Variants in CAPN3 observed in about 807,000 individuals in gnomAD.
CAPN3 encodes the protein calpain-3.
A neutral mutation model predicts 114.0 loss-of-function variants in CAPN3; 88 were observed. The observed-to-expected ratio is 0.77, with a 90% CI of 0.65 to 0.92. CAPN3 has a LOEUF of 0.92. CAPN3 is among the 40% of genes least tolerant of loss of function. The pLI, the probability that CAPN3 is intolerant of heterozygous loss-of-function variation, is 0.00. For missense variants in CAPN3, 1,028 were observed against 1,069.0 expected, an observed-to-expected ratio of 0.96 and a Z score of 0.53; for synonymous variants, 386 against 382.9, an observed-to-expected ratio of 1.01 and a Z score of -0.09.
At chr15:42,383,777 T>C (rs1014326531) in intron 1 of CAPN3, among the ~76,000 whole-genome samples, 4 of 152,008 alleles carry the variant, frequency 2.6e-5, no homozygotes, top group Non-Finnish European at 5.9e-5. Context: ...TTCACTATGT[T>C]GGCCAGGCTG....
chr15:42,365,309 C>CG (rs1282093865), intron 1 of CAPN3, among the ~76,000 whole-genome samples: 1 of 152,156 alleles, frequency 6.6e-6, no homozygotes, highest in Non-Finnish European at 1.5e-5. Context: ...AGCCCTGAAT[C>CG]GGAGTCAAAA....
chr15:42,387,644 G>C, intron 3 of CAPN3, 109 bp from the exon 4 acceptor site: 1 of 1,368,390 alleles, frequency 7.3e-7, no homozygotes, highest in Non-Finnish European at 1.0e-6. Context: ...CAGAGTCCAG[G>C]AAATGATGCT....
intron 1 of CAPN3, among the ~76,000 whole-genome samples, chr15:42,367,074 C>CCA (rs2052805749): frequency 6.6e-6 from 1 of 152,096 alleles, no homozygotes; most frequent in Non-Finnish European, 1.5e-5. Flanking sequence ...CCCCAGTGAT[C>CCA]CACCGCCTCA....
chr15:42,392,831 T>A (rs1255416983), intron 7 of CAPN3, 109 bp downstream of exon 7: 2 of 774,204 alleles, frequency 2.6e-6, no homozygotes, highest in Non-Finnish European at 4.4e-6. Flanking sequence ...TTGCCTCCAA[T>A]CAGGACATTC....
intron 1 of CAPN3, among the ~76,000 whole-genome samples, chr15:42,380,390 T>TG (rs2053207146): frequency 7.6e-6 from 1 of 131,826 alleles, no homozygotes; most frequent in Non-Finnish European, 1.6e-5. Context: ...TTTTTTTTTT[T>TG]TTTTTTTGAG....
intron 9 of CAPN3, 107 bp from the exon 10 acceptor site, chr15:42,399,385 T>C: frequency 3.3e-6 from 3 of 909,820 alleles, no homozygotes; most frequent in Non-Finnish European, 5.5e-6. Flanking sequence ...CCTGACCAAG[T>C]TCCTGTGAAC....
At chr15:42,374,628 A>G (rs2053038584) in intron 1 of CAPN3, 1 of 152,082 alleles carries the variant, frequency 6.6e-6, no homozygotes, top group African/African-American at 2.4e-5. Context: ...CCTCTGGGCA[A>G]TTGACTTATC....
At chr15:42,385,147 A>G (rs1043191092) in intron 2 of CAPN3, among the ~76,000 whole-genome samples, 5 of 152,228 alleles carry the variant, frequency 3.3e-5, no homozygotes, top group Admixed American at 6.5e-5. Flanking sequence ...GGTGTGGACT[A>G]TAAGCAAGCT....
chr15:42,359,995 C>T lies in CAPN3; in HGVS notation c.190C>T (p.Leu64Phe). ...AGTGAAAGAGAAGACATTCGAGCAA[C>T]TTCACAAGAAATGTCTAGAAAAGAA... Reference protein sequence around the residue: ...IGVKEKTFEQLHKKCLEKKVL... With the variant: ...IGVKEKTFEQFHKKCLEKKVL... Residue 64 changes from leucine to phenylalanine, a missense_variant, in exon 1 of 24, where the codon CTT (leucine) becomes TTT (phenylalanine). Coordinates refer to ENST00000397163, the MANE Select transcript of CAPN3 (RefSeq NM_000070.3). The T allele has an allele frequency of 3.1e-6, 5 of 1,614,236 alleles. No homozygotes were observed. The highest frequency in any genetic ancestry group is 4.2e-6 in the Non-Finnish European group (5 of 1,180,028).
intron 9 of CAPN3, 47 bp from the exon 10 acceptor site, chr15:42,399,444 CT>C: frequency 6.8e-7 from 1 of 1,476,406 alleles, no homozygotes; most frequent in African/African-American, 1.4e-5. Flanking sequence ...GTTCCCAGCC[CT>C]CCTCACCTGC....
At chr15:42,365,625 C>T (rs1272534452) in intron 1 of CAPN3, among the ~76,000 whole-genome samples, 2 of 152,140 alleles carry the variant, frequency 1.3e-5, no homozygotes, top group Admixed American at 6.5e-5. Flanking sequence ...CTGTCCCCAC[C>T]TCTCTGTCAT....
intron 1 of CAPN3, among the ~76,000 whole-genome samples, chr15:42,373,340 C>A (rs938080585): frequency 3.9e-5 from 6 of 152,206 alleles, no homozygotes; most frequent in Non-Finnish European, 7.3e-5. Context: ...GTATTTTCAA[C>A]TGGCAGACCA....
intron 16 of CAPN3, chr15:42,408,601 A>G (rs1370299451): frequency 4.7e-6 from 2 of 426,194 alleles, no homozygotes; most frequent in South Asian, 2.0e-5. Flanking sequence ...GGGGAGGCAA[A>G]GGCTGAGACA....
intron 1 of CAPN3, among the ~76,000 whole-genome samples, chr15:42,364,753 T>C (rs573849791): frequency 1.3e-5 from 2 of 152,344 alleles, no homozygotes; most frequent in East Asian, 3.9e-4. Context: ...AGTGATTGGC[T>C]TTAAAGGCTC....
chr15:42,359,858 G>T lies in CAPN3; in HGVS notation c.53G>T (p.Arg18Leu). 1 of 1,614,112 alleles carries T rather than the reference G, an allele frequency of 6.2e-7. No individual in the cohort carries two copies. Among genetic ancestry groups the T allele is most frequent in the South Asian group, 1.1e-5 (1 of 91,082 alleles). Residue 18 changes from arginine to leucine, a missense_variant, in exon 1 of 24, where the codon CGG (arginine) becomes CTG (leucine). Coordinates refer to ENST00000397163, the MANE Select transcript of CAPN3 (RefSeq NM_000070.3). ...GCTCCAAGGACAGCGGCTGAGCCCCGGTCCCCAGGGCCAGTTCCTCACCCG... is the reference window on the plus strand; with the variant it reads ...GCTCCAAGGACAGCGGCTGAGCCCCTGTCCCCAGGGCCAGTTCCTCACCCG... Reference protein sequence around the residue: ...SVAPRTAAEPRSPGPVPHPAQ... With the variant: ...SVAPRTAAEPLSPGPVPHPAQ...
At chr15:42,407,253 T>C (rs1432682662) in intron 15 of CAPN3, among the ~76,000 whole-genome samples, 1 of 152,206 alleles carries the variant, frequency 6.6e-6, no homozygotes, top group Non-Finnish European at 1.5e-5. Flanking sequence ...CAGTATCTCA[T>C]TTGATCCCCA....
In CAPN3 at chr15:42,409,971, C is replaced by CCGTA; in HGVS notation, c.2092_2095dup (p.Ser699ThrfsTer2). ...CACACGGGTTCACACTGGAGTCCTGCCGTAGCATGATTGCGCTCATGGATG... is the reference window on the plus strand; with the variant it reads ...CACACGGGTTCACACTGGAGTCCTGCCGTACGTAGCATGATTGCGCTCATGGATG... On this transcript the variant is annotated frameshift_variant, in exon 19 of 24. Transcript: ENST00000397163. LOFTEE classifies it high-confidence loss of function. 1 of 1,612,190 alleles carries CCGTA rather than the reference C, an allele frequency of 6.2e-7. No homozygotes were observed. Among genetic ancestry groups the CCGTA allele is most frequent in the Non-Finnish European group, 8.5e-7 (1 of 1,179,872 alleles).
chr15:42,367,007 T>C (rs2052802055), intron 1 of CAPN3, among the ~76,000 whole-genome samples: 1 of 151,848 alleles, frequency 6.6e-6, no homozygotes, highest in African/African-American at 2.4e-5. Context: ...CTAATTTTTG[T>C]ATTTTTAGTA....
At position 42,402,765 on chromosome 15, in the gene CAPN3, A is replaced by T. The variant is rs780147629; in HGVS notation, c.1537-29A>T. On this transcript the variant is annotated intron_variant, in intron 12 of 23. Transcript: ENST00000397163. ...ACAGGATGTTCCTCCCGAGGGGCTC[A>T]TGTGCCCTGGGCTCTCCCCATCTCT... The T allele has an allele frequency of 1.8e-5, 29 of 1,610,198 alleles. No individual in the cohort carries two copies. Among genetic ancestry groups the T allele is most frequent in the Middle Eastern group, 3.3e-4 (2 of 6,040 alleles).
Sources: gnomAD v4.1 joint callset for allele counts (sites outside exome capture counted in the v4.1 genomes callset) on GRCh38, gnomAD v4.1.1 for gene constraint, MANE v1.5 for transcripts, NCBI Gene and HGNC (gene_info 2026-07-23, HGNC 2026-07-21) for gene names.